Variants in SDC1 observed in about 807,000 individuals in gnomAD.
SDC1 encodes syndecan-1.
Under a neutral mutation model 29.7 loss-of-function variants are expected in SDC1, and 14 were observed. The observed-to-expected ratio is 0.47, with a 90% CI of 0.31 to 0.74. The LOEUF is 0.74. Among genes scored for constraint, SDC1 ranks in the 30% least tolerant of loss-of-function variants. The probability of loss-of-function intolerance (pLI) is 0.05; values close to 1 mark genes in which losing one functional copy is unlikely to be tolerated. For missense variants in SDC1, 406 were observed against 400.3 expected, an observed-to-expected ratio of 1.01 and a Z score of -0.12; for synonymous variants, 204 against 175.5, an observed-to-expected ratio of 1.16 and a Z score of -1.29.
intron 1 of SDC1, among the ~76,000 whole-genome samples, chr2:20,219,642 T>C (rs972617071): frequency 1.3e-5 from 2 of 152,164 alleles, no homozygotes; most frequent in Admixed American, 1.3e-4. Flanking sequence ...CTGGAACAGC[T>C]GAGAGAGAAG....
In SDC1 at chr2:20,224,078, C is replaced by T. The variant is rs1277549789; in HGVS notation, c.66+724G>A. On this transcript the variant is annotated intron_variant, in intron 1 of 4. Coordinates refer to ENST00000254351, the MANE Select transcript of SDC1 (RefSeq NM_002997.5). This position sits in a 1 kb window ranked among gnomAD's most constrained non-coding sequence, Gnocchi z 4.9. Reference sequence around the variant, plus strand: ...CTCGGCCGTGCCCGGCACGGGAACGCGCCCTCCGGGGCCAGCTCAACTTCA... The same window carrying T: ...CTCGGCCGTGCCCGGCACGGGAACGTGCCCTCCGGGGCCAGCTCAACTTCA... 10 of 325,886 alleles carry T rather than the reference C, an allele frequency of 3.1e-5. No individual in the cohort carries two copies. Among genetic ancestry groups the T allele is most frequent in the Non-Finnish European group, 5.7e-5 (9 of 159,258 alleles). The allele number at this position is 325,886 out of a possible 1,614,324, so 20.2% of individuals were successfully genotyped here. A position where few individuals can be genotyped will look rare whatever the true frequency, so the allele number is the denominator to read the frequency against.
At chr2:20,218,321 G>A (rs1677696344) in intron 1 of SDC1, among the ~76,000 whole-genome samples, 1 of 152,216 alleles carries the variant, frequency 6.6e-6, no homozygotes, top group South Asian at 2.1e-4. Flanking sequence ...GGATGTCAGA[G>A]CCACAGTGAA....
At chr2:20,219,001 TG>T (rs1050566012) in intron 1 of SDC1, among the ~76,000 whole-genome samples, 2 of 152,080 alleles carry the variant, frequency 1.3e-5, no homozygotes, top group African/African-American at 4.8e-5. Flanking sequence ...GGGCTCCCAG[TG>T]GGGAGAGGAA....
At chr2:20,203,672 G>C in intron 3 of SDC1, 141 bp downstream of exon 3, 1 of 692,012 alleles carries the variant, frequency 1.4e-6, no homozygotes, top group Non-Finnish European at 2.5e-6. Context: ...AGGCCCTGGG[G>C]GTAGGGGAAG....
chr2:20,208,136 G>A (rs745771164), intron 1 of SDC1: 44 of 985,152 alleles, frequency 4.5e-5, no homozygotes, highest in Admixed American at 1.2e-4. Flanking sequence ...TGAGGCAACC[G>A]AAGCCCACAG....
At chr2:20,215,214 C>A (rs985499087) in intron 1 of SDC1, among the ~76,000 whole-genome samples, 2 of 152,264 alleles carry the variant, frequency 1.3e-5, no homozygotes, top group African/African-American at 4.8e-5. Context: ...GTTCTGGGGA[C>A]AGGCCACCGT....
chr2:20,202,097 TAAAAAA>T lies in SDC1; in HGVS notation c.*663_*668del. 1 of 462,266 alleles carries T rather than the reference TAAAAAA, an allele frequency of 2.2e-6. No homozygotes were observed. Among genetic ancestry groups the T allele is most frequent in the Non-Finnish European group, 3.8e-6 (1 of 264,808 alleles). The allele number at this position is 462,266 out of a possible 1,614,324, so 28.6% of individuals were successfully genotyped here. A position where few individuals can be genotyped will look rare whatever the true frequency, so the allele number is the denominator to read the frequency against. On this transcript the variant is annotated 3_prime_UTR_variant, in exon 5 of 5. Transcript: ENST00000254351. ...GCTTCCAGATTTGGTTCTCCTAGTT[TAAAAAA>T]AAAAAAAAAAAGTCTTCTTAACCCT... is the stretch of plus-strand genomic sequence containing the variant.
intron 1 of SDC1, among the ~76,000 whole-genome samples, chr2:20,219,365 A>G (rs1293616635): frequency 6.6e-6 from 1 of 152,206 alleles, no homozygotes; most frequent in Admixed American, 6.5e-5. Context: ...CAAAAGCAGT[A>G]ACATCACAGG....
At chr2:20,220,280 G>A (rs1677774532) in intron 1 of SDC1, among the ~76,000 whole-genome samples, 1 of 152,194 alleles carries the variant, frequency 6.6e-6, no homozygotes, top group African/African-American at 2.4e-5. Context: ...GCCTTGCAGG[G>A]TTCAGCCAGC....
chr2:20,225,435 G>A (rs1003593109), upstream of SDC1: 5 of 152,398 alleles, frequency 3.3e-5, no homozygotes, highest in African/African-American at 9.6e-5. Context: ...GGGGCTGAAG[G>A]GGGGCAGGCA....
chr2:20,223,389 G>T (rs552457866), intron 1 of SDC1: 29 of 893,354 alleles, frequency 3.2e-5, no homozygotes, highest in Middle Eastern at 2.6e-4. Flanking sequence ...CATTAGCAGT[G>T]GAGAACCCGA....
intron 2 of SDC1, among the ~76,000 whole-genome samples, chr2:20,204,497 T>C (rs934659078): frequency 1.2e-4 from 18 of 152,028 alleles, no homozygotes; most frequent in African/African-American, 4.3e-4. Context: ...ATTGTGTGTG[T>C]CCAGGTGCAG....
chr2:20,210,070 G>A (rs868855098), intron 1 of SDC1, among the ~76,000 whole-genome samples: 5 of 152,360 alleles, frequency 3.3e-5, no homozygotes, highest in East Asian at 3.9e-4. Flanking sequence ...TACTAGGCGC[G>A]GTGGCTCCCG....
intron 1 of SDC1, among the ~76,000 whole-genome samples, chr2:20,207,216 G>A (rs949954151): frequency 5.3e-5 from 8 of 152,284 alleles, no homozygotes; most frequent in Admixed American, 3.9e-4. Flanking sequence ...AGAGGGAAGC[G>A]TCAGACACGT....
chr2:20,217,406 C>T (rs1677660249), intron 1 of SDC1, among the ~76,000 whole-genome samples: 1 of 152,168 alleles, frequency 6.6e-6, no homozygotes, highest in South Asian at 2.1e-4. Flanking sequence ...ATGAAGCCCT[C>T]AGAACTTGAG....
intron 1 of SDC1, among the ~76,000 whole-genome samples, chr2:20,214,153 TC>T (rs1170128653): frequency 6.6e-6 from 1 of 152,116 alleles, no homozygotes; most frequent in Non-Finnish European, 1.5e-5. Context: ...TTAACCTTTG[TC>T]AAAATGTGGA....
intron 1 of SDC1, among the ~76,000 whole-genome samples, chr2:20,207,687 C>T (rs1357888796): frequency 3.3e-5 from 5 of 152,314 alleles, no homozygotes; most frequent in Admixed American, 2.6e-4. Flanking sequence ...GCCTGCGTGA[C>T]ACAGCAAGAC....
At chr2:20,203,346 C>T in intron 3 of SDC1, 124 bp from the exon 4 acceptor site, 2 of 1,170,694 alleles carry the variant, frequency 1.7e-6, no homozygotes, top group Non-Finnish European at 1.2e-6. Flanking sequence ...CTCAGATGCA[C>T]CCAAACCAGG....
chr2:20,208,784 A>G (rs1378811967), intron 1 of SDC1, among the ~76,000 whole-genome samples: 1 of 152,158 alleles, frequency 6.6e-6, no homozygotes, highest in Non-Finnish European at 1.5e-5. Flanking sequence ...GAGACTACCT[A>G]ATGCCCTGCC....
Sources: gnomAD v4.1 joint callset for allele counts (sites outside exome capture counted in the v4.1 genomes callset) on GRCh38, gnomAD v4.1.1 for gene constraint, Gnocchi (gnomAD v3.1) non-coding constraint, MANE v1.5 for transcripts, NCBI Gene and HGNC (gene_info 2026-07-23, HGNC 2026-07-21) for gene names.